The following MYOF variants were observed in gnomAD, a reference collection of about 807,000 sequenced individuals.
MYOF encodes fer-1-like 3, myoferlin.
Under a neutral mutation model 284.2 loss-of-function variants are expected in MYOF, and 244 were observed. The observed-to-expected ratio is 0.86, with a 90% CI of 0.77 to 0.95. The LOEUF (loss-of-function observed/expected upper bound fraction) is 0.95, where lower values mean the gene tolerates loss of function less well. Among genes scored for constraint, MYOF ranks in the 40% least tolerant of loss-of-function variants. The pLI is 0.00. For synonymous variants in MYOF, 904 were observed against 919.7 expected (o/e 0.98, Z 0.31); for missense variants, 2,496 against 2,560.6 (o/e 0.97, Z 0.54).
At chr10:93,415,051 C>T (rs1235776950) in intron 5 of MYOF, among the ~76,000 whole-genome samples, 1 of 152,098 alleles carries the variant, frequency 6.6e-6, no homozygotes, top group Non-Finnish European at 1.5e-5. Flanking sequence ...GCTGAGAGGC[C>T]ATCTTTTGTA....
At chr10:93,368,353 C>T (rs552816300) in intron 25 of MYOF, among the ~76,000 whole-genome samples, 1 of 152,342 alleles carries the variant, frequency 6.6e-6, no homozygotes, top group South Asian at 2.1e-4. Context: ...ATGTTGGAAT[C>T]ACCACTGCTG....
At chr10:93,481,390 T>C (rs1406951015) in intron 1 of MYOF, among the ~76,000 whole-genome samples, 1 of 152,106 alleles carries the variant, frequency 6.6e-6, no homozygotes, top group Non-Finnish European at 1.5e-5. Flanking sequence ...GAGATGATCT[T>C]GTCTAAACCC....
At chr10:93,405,032 A>G (rs1197577648) in intron 7 of MYOF, among the ~76,000 whole-genome samples, 2 of 152,224 alleles carry the variant, frequency 1.3e-5, no homozygotes, top group Admixed American at 1.3e-4. Flanking sequence ...AATATTTCTA[A>G]TCTACAGGAC....
intron 23 of MYOF, 121 bp downstream of exon 23, chr10:93,374,642 C>CA (rs1448197511): frequency 1.0e-6 from 1 of 999,068 alleles, no homozygotes; most frequent in Non-Finnish European, 1.4e-6. Context: ...TACAATCTGT[C>CA]AGAGCTGCTC....
chr10:93,331,812 A>G (rs374355281), intron 43 of MYOF, among the ~76,000 whole-genome samples: 1 of 152,208 alleles, frequency 6.6e-6, no homozygotes, highest in Non-Finnish European at 1.5e-5. Context: ...GGAAAGAAGC[A>G]TATGGGCAAG....
chr10:93,420,411 CA>C (rs1848311982), intron 5 of MYOF, among the ~76,000 whole-genome samples: 1 of 152,144 alleles, frequency 6.6e-6, no homozygotes, highest in Non-Finnish European at 1.5e-5. Context: ...AACAGTCTTC[CA>C]GGGGGGTCAG....
intron 27 of MYOF, among the ~76,000 whole-genome samples, chr10:93,362,923 A>C (rs1845143508): frequency 6.6e-6 from 1 of 152,174 alleles, no homozygotes; most frequent in Non-Finnish European, 1.5e-5. Context: ...AGACCAACCA[A>C]ATGCAAGGAT....
At chr10:93,381,802 C>T (rs1400897729) in intron 19 of MYOF, among the ~76,000 whole-genome samples, 2 of 152,126 alleles carry the variant, frequency 1.3e-5, no homozygotes, top group Non-Finnish European at 2.9e-5. Context: ...TTTGGGAGCC[C>T]GAGGTGGTTG....
chr10:93,326,140 G>A (rs988652903), intron 45 of MYOF, among the ~76,000 whole-genome samples, 175 bp from the exon 46 acceptor site: 1 of 152,210 alleles, frequency 6.6e-6, no homozygotes, highest in African/African-American at 2.4e-5. Flanking sequence ...CTGACCAGGA[G>A]CCCTGTCCCA....
chr10:93,332,069 T>C (rs1333623598), intron 43 of MYOF, among the ~76,000 whole-genome samples: 1 of 152,220 alleles, frequency 6.6e-6, no homozygotes, highest in East Asian at 1.9e-4. Flanking sequence ...CCTCTATTAA[T>C]AGAGCTCTGG....
At chr10:93,432,441 G>A (rs1008984321) in intron 3 of MYOF, among the ~76,000 whole-genome samples, 5 of 151,728 alleles carry the variant, frequency 3.3e-5, no homozygotes, top group African/African-American at 9.7e-5. Context: ...ACTACCCCCC[G>A]CCAGAATCCA....
At chr10:93,370,314 A>ATTTTTTTTTTTTTTTTTTTTTTTTTTTTT (rs916555324) in intron 24 of MYOF, among the ~76,000 whole-genome samples, 2 of 122,428 alleles carry the variant, frequency 1.6e-5, no homozygotes, top group African/African-American at 7.1e-5. Context: ...ATGATTACTA[A>ATTTTTTTTTTTTTTTTTTTTTTTTTTTTT]TTTTTTTTTT....
chr10:93,464,717 C>A (rs2056964205), intron 1 of MYOF, among the ~76,000 whole-genome samples: 1 of 152,132 alleles, frequency 6.6e-6, no homozygotes, highest in African/African-American at 2.4e-5. Context: ...ATGTGCCCCC[C>A]AAGTCCTGAA....
intron 45 of MYOF, 41 bp downstream of exon 45, chr10:93,328,722 T>C: frequency 6.3e-7 from 1 of 1,584,226 alleles, no homozygotes; most frequent in Non-Finnish European, 8.6e-7. Context: ...TATGGGTTAC[T>C]ATACTTTGTA....
intron 43 of MYOF, 43 bp downstream of exon 43, chr10:93,333,178 T>G: frequency 4.7e-6 from 7 of 1,502,042 alleles, no homozygotes; most frequent in Non-Finnish European, 6.5e-6. Context: ...GCATGTTCCG[T>G]GGAGAAATGA....
chr10:93,467,063 A>C, intron 1 of MYOF, among the ~76,000 whole-genome samples: 1 of 152,178 alleles, frequency 6.6e-6, no homozygotes, highest in Non-Finnish European at 1.5e-5. Context: ...ACTGAGGATC[A>C]GGGTTGTTAA....
intron 22 of MYOF, among the ~76,000 whole-genome samples, chr10:93,375,536 T>C (rs752627725): frequency 6.6e-6 from 1 of 152,232 alleles, no homozygotes; most frequent in Admixed American, 6.5e-5. Flanking sequence ...CGTGGCTCCA[T>C]TCTTTACTAG....
rs1844051184 is a variant in MYOF, at chr10:93,343,932, G to A, written c.4250C>T (p.Ala1417Val). Residue 1417 changes from alanine to valine, a missense_variant and splice_region_variant, in exon 38 of 54, where the codon GCC becomes GTC. By Grantham distance (64) the Ala-to-Val change is moderately conservative. This residue lies in a region of MYOF where 2,436 missense variants were observed against 2,480.7 expected (regional missense o/e 0.98). Coordinates refer to ENST00000359263, the MANE Select transcript of MYOF (RefSeq NM_013451.4). ...GCATGGTGGGGCAGACAGAAGGGAG[G>A]CTGCAAGACAAATACTTTCTTAATC... ...GKEDIVPQLK[A>V]SLLSAPPCRD... 3 of 1,613,998 alleles carry A rather than the reference G, an allele frequency of 1.9e-6. No homozygotes were observed. In the South Asian group the frequency reaches 3.3e-5, roughly 18 times the overall value.
At chr10:93,408,732 G>A in intron 7 of MYOF, 55 bp downstream of exon 7, 2 of 1,609,530 alleles carry the variant, frequency 1.2e-6, no homozygotes, top group South Asian at 1.1e-5. Flanking sequence ...CTGCTCCCGT[G>A]TTTCCCTCCC....
Sources: gnomAD v4.1 joint callset for allele counts (sites outside exome capture counted in the v4.1 genomes callset) on GRCh38, gnomAD v4.1.1 for gene constraint, gnomAD v4.1.1 regional missense constraint, MANE v1.5 for transcripts, NCBI Gene and HGNC (gene_info 2026-07-23, HGNC 2026-07-21) for gene names.